THSD7B: variants seen among roughly 807,000 people sequenced by gnomAD.
THSD7B encodes thrombospondin type 1 domain containing 7B, also known as thrombospondin type-1 domain-containing protein 7B.
A neutral mutation model predicts 213.6 loss-of-function variants in THSD7B; 138 were observed. That is an observed-to-expected ratio of 0.65 (90% confidence interval 0.56 to 0.74). The LOEUF (loss-of-function observed/expected upper bound fraction) is 0.74, where lower values mean the gene tolerates loss of function less well. THSD7B is among the 30% of genes least tolerant of loss of function. The pLI, the probability that THSD7B is intolerant of heterozygous loss-of-function variation, is 0.00. For missense variants in THSD7B, 1,931 were observed against 1,991.5 expected (o/e 0.97, Z 0.58); for synonymous variants, 742 against 687.0 (o/e 1.08, Z -1.25).
At chr2:137,055,445 G>T (rs1008662651) in intron 2 of THSD7B, among the ~76,000 whole-genome samples, 1 of 152,150 alleles carries the variant, frequency 6.6e-6, no homozygotes, top group Non-Finnish European at 1.5e-5. Context: ...TGAAAGAGAA[G>T]AAACTATTTT....
chr2:137,263,555 A>G (rs964683921), intron 10 of THSD7B, among the ~76,000 whole-genome samples: 4 of 152,296 alleles, frequency 2.6e-5, no homozygotes, highest in East Asian at 3.9e-4. Flanking sequence ...AAATTTAAGA[A>G]TATAGAGTAC....
chr2:137,058,099 G>C (rs1687203316), intron 3 of THSD7B, among the ~76,000 whole-genome samples: 1 of 152,006 alleles, frequency 6.6e-6, no homozygotes, highest in South Asian at 2.1e-4. Context: ...TGCCTTCTTG[G>C]GATCCACAGC....
intron 12 of THSD7B, among the ~76,000 whole-genome samples, chr2:137,359,387 G>A (rs78519762): frequency 0.028 from 4,191 of 152,280 alleles, 198 homozygotes; most frequent in African/African-American, 0.096. Context: ...AATAGTGTGA[G>A]AGTTAAACTA....
In THSD7B at chr2:137,572,532, G is replaced by A; in HGVS notation, c.3399G>A (p.Trp1133Ter). ...CCAATGAGTGTGTCATGTCTGAGTG[G>A]GGACTTTGGAGCAAATGCCCACAGG... is the stretch of plus-strand genomic sequence containing the variant. ...MCPNECVMSE[W>*]GLWSKCPQSC... The change falls in exon 17 of 28, where the codon TGG becomes TGA. Residue 1133 changes from tryptophan to a stop codon, truncating the protein, a stop_gained. Coordinates refer to ENST00000409968, the MANE Select transcript of THSD7B (RefSeq NM_001316349.2). LOFTEE classifies it high-confidence loss of function. 6.2e-7 allele frequency: 1 copy of A among 1,613,764 alleles called. No homozygotes were observed. The highest frequency in any genetic ancestry group is 8.5e-7 in the Non-Finnish European group (1 of 1,179,792).
rs541551030 is a variant in THSD7B at position 137,179,092 on chromosome 2, A to G, written c.1723+8154A>G. ...TTTCTGTTCCCATTCTATATGATTC[A>G]AGAAGCAAAATGAGTCATAGATTGT... is the stretch of plus-strand genomic sequence containing the variant. On this transcript the variant is annotated intron_variant, in intron 7 of 27. Transcript: ENST00000409968. Among the ~76,000 whole-genome samples the G allele has an allele frequency of 1.6e-4, 25 of 152,240 alleles. No homozygotes were observed. In the Middle Eastern group the frequency reaches 0.01, roughly 62 times the overall value.
intron 12 of THSD7B, among the ~76,000 whole-genome samples, chr2:137,320,972 G>A (rs1056554243): frequency 6.6e-5 from 10 of 152,170 alleles, no homozygotes; most frequent in Non-Finnish European, 1.2e-4. Flanking sequence ...GGCTTTGAGC[G>A]TGTGTGTGCC....
chr2:137,233,004 C>G lies in THSD7B; in HGVS notation c.2021C>G (p.Ser674Cys). 1 of 1,613,948 alleles carries G rather than the reference C, an allele frequency of 6.2e-7. No homozygotes were observed. The highest frequency in any genetic ancestry group is 2.2e-5 in the East Asian group (1 of 44,880). ...HWETSPWGPC[S>C]EDTLVTALNA... ...GAGACATCGCCTTGGGGCCCTTGTT[C>G]TGAGGACACATTGGTAACTGCCCTT... The change falls in exon 9 of 28, where the codon TCT (serine) becomes TGT (cysteine). Residue 674 changes from serine to cysteine, a missense_variant. By Grantham distance (112) the Ser-to-Cys change is moderately radical. Transcript: ENST00000409968.
chr2:137,588,483 T>G (rs533834556), intron 17 of THSD7B, among the ~76,000 whole-genome samples: 3 of 149,360 alleles, frequency 2.0e-5, no homozygotes, highest in Non-Finnish European at 3.0e-5. Context: ...TTTTCAGTGT[T>G]TTTTTTTTTT....
At chr2:136,871,368 G>A (rs1454754138) in intron 1 of THSD7B, among the ~76,000 whole-genome samples, 1 of 152,182 alleles carries the variant, frequency 6.6e-6, no homozygotes, top group Non-Finnish European at 1.5e-5. Flanking sequence ...AGAGGAGTCT[G>A]AGGACAGAGT....
At chr2:136,985,045 G>C (rs543385635) in intron 2 of THSD7B, among the ~76,000 whole-genome samples, 2 of 152,118 alleles carry the variant, frequency 1.3e-5, no homozygotes, top group Non-Finnish European at 2.9e-5. Context: ...TGACATGCCC[G>C]CATCTAACAA....
intron 17 of THSD7B, among the ~76,000 whole-genome samples, chr2:137,603,172 T>C (rs988116795): frequency 3.3e-5 from 5 of 152,194 alleles, no homozygotes; most frequent in Middle Eastern, 3.2e-3. Context: ...CATTGCAATA[T>C]GGACACCACC....
chr2:137,507,893 G>A (rs570081473), intron 15 of THSD7B, among the ~76,000 whole-genome samples: 2 of 152,252 alleles, frequency 1.3e-5, no homozygotes, highest in African/African-American at 4.8e-5. Context: ...AACAAATTGA[G>A]CCAGCATTGT....
intron 3 of THSD7B, among the ~76,000 whole-genome samples, chr2:137,076,032 C>T (rs962196310): frequency 2.0e-5 from 3 of 152,200 alleles, no homozygotes; most frequent in African/African-American, 7.2e-5. Flanking sequence ...ACTCGGGGGT[C>T]AGGGACCCAC....
intron 1 of THSD7B, among the ~76,000 whole-genome samples, chr2:136,828,356 C>T (rs1295024933): frequency 1.3e-5 from 2 of 152,100 alleles, no homozygotes; most frequent in African/African-American, 4.8e-5. Context: ...ATATCCGTTA[C>T]ATCAGCAAAT....
intron 10 of THSD7B, among the ~76,000 whole-genome samples, chr2:137,251,476 C>T (rs1056533633): frequency 5.1e-4 from 77 of 152,150 alleles, no homozygotes; most frequent in Non-Finnish European, 1.3e-4. Context: ...ATTTCCCACT[C>T]GTGCTTCAAA....
At chr2:136,991,229 A>G (rs1198989998) in intron 2 of THSD7B, among the ~76,000 whole-genome samples, 1 of 152,182 alleles carries the variant, frequency 6.6e-6, no homozygotes, top group African/African-American at 2.4e-5. Context: ...CAGGATCCCA[A>G]AGCTCAAAGA....
At chr2:137,360,523 A>G (rs1247436772) in intron 12 of THSD7B, among the ~76,000 whole-genome samples, 3 of 152,148 alleles carry the variant, frequency 2.0e-5, no homozygotes, top group Non-Finnish European at 4.4e-5. Flanking sequence ...ATACTGCACT[A>G]TTCCAAAGGG....
chr2:137,488,268 T>G (rs1045326239), intron 15 of THSD7B, among the ~76,000 whole-genome samples: 1 of 152,116 alleles, frequency 6.6e-6, no homozygotes, highest in Admixed American at 6.6e-5. Context: ...AATTATTTAA[T>G]TAACTATTAA....
intron 20 of THSD7B, among the ~76,000 whole-genome samples, chr2:137,639,973 G>A (rs570813403): frequency 3.7e-4 from 56 of 152,250 alleles, no homozygotes; most frequent in Non-Finnish European, 5.4e-4. Flanking sequence ...GGACTTTTGG[G>A]TTAATGCTGA....
Sources: allele counts gnomAD v4.1 joint callset (sites outside exome capture counted in the v4.1 genomes callset), GRCh38; gene constraint gnomAD v4.1.1; transcripts MANE v1.5; gene names NCBI Gene and HGNC (gene_info 2026-07-23, HGNC 2026-07-21).